TRIM29: variants seen among roughly 807,000 people sequenced by gnomAD.
The protein encoded by TRIM29 is tripartite motif-containing protein 29.
Under a neutral mutation model 57.3 loss-of-function variants are expected in TRIM29, and 52 were observed. The observed-to-expected ratio is 0.91, with a 90% CI of 0.73 to 1.14. The LOEUF is 1.14. Among genes scored for constraint, TRIM29 ranks in the 50% most tolerant of loss-of-function variants. The pLI is 0.00. For missense variants in TRIM29, 753 were observed against 774.6 expected, an observed-to-expected ratio of 0.97 and a Z score of 0.33; for synonymous variants, 319 against 316.9, an observed-to-expected ratio of 1.01 and a Z score of -0.07.
intron 1 of TRIM29, among the ~76,000 whole-genome samples, chr11:120,130,840 A>G (rs1300811727): frequency 6.6e-6 from 1 of 152,178 alleles, no homozygotes; most frequent in East Asian, 1.9e-4. Flanking sequence ...AGTGAGGAGC[A>G]CAGCAGATGT....
intron 1 of TRIM29, among the ~76,000 whole-genome samples, chr11:120,132,173 C>T (rs1206383355): frequency 6.6e-6 from 1 of 151,722 alleles, no homozygotes; most frequent in Non-Finnish European, 1.5e-5. Flanking sequence ...GCTCCCTTCA[C>T]CTTGCAGATG....
chr11:120,127,478 G>A lies in TRIM29; in HGVS notation c.992C>T (p.Ala331Val), dbSNP rs535733632. Residue 331 changes from alanine (A) to valine (V), a missense_variant, in exon 3 of 9, where the codon GCG becomes GTG. Physicochemically the swap from Ala to Val is moderately conservative, Grantham distance 64. Transcript: ENST00000341846. ...AGCATCCTGCTCCCGCTGCTCCAGC[G>A]CAGCCCTCACTTCCTCCTTTTGCTT... The part of the protein sequence containing the change: ...LEKQKEEVRA[A>V]LEQREQDAVD... The A allele has an allele frequency of 4.4e-5, 71 of 1,614,170 alleles. No individual in the cohort carries two copies. The South Asian group carries it at 4.7e-4, about 11-fold the overall frequency.
rs759880692 is a variant in TRIM29 at position 120,112,517 on chromosome 11, G to A, written c.1705-41C>T. On this transcript the variant is annotated intron_variant, in intron 8 of 8. Transcript: ENST00000341846. Reference sequence around the variant, plus strand: ...GAGTGGTCAGCGAGGCCAGACGACAGATGAGCCTGCTAGCTAGACCCACCC... The same window carrying A: ...GAGTGGTCAGCGAGGCCAGACGACAAATGAGCCTGCTAGCTAGACCCACCC... The A allele has an allele frequency of 3.7e-6, 6 of 1,609,898 alleles. No homozygotes were observed. In the South Asian group the frequency reaches 5.5e-5, roughly 15 times the overall value.
chr11:120,135,590 A>G (rs1027739539), intron 1 of TRIM29, among the ~76,000 whole-genome samples: 19 of 152,110 alleles, frequency 1.2e-4, no homozygotes, highest in Non-Finnish European at 2.4e-4. Flanking sequence ...GCCCCGTCCC[A>G]TCTATATCTC....
chr11:120,118,141 G>A (rs1019003978), intron 7 of TRIM29, 82 bp downstream of exon 7: 39 of 1,257,482 alleles, frequency 3.1e-5, no homozygotes, highest in Non-Finnish European at 4.1e-5. Flanking sequence ...GGAACTAGCA[G>A]CTCAGCGAAG....
At chr11:120,119,733 T>C (rs191149288) in intron 6 of TRIM29, among the ~76,000 whole-genome samples, 56 of 152,124 alleles carry the variant, frequency 3.7e-4, no homozygotes, top group African/African-American at 1.3e-3. Flanking sequence ...CCAGTCTCCA[T>C]GAGTCTTGCC....
At chr11:120,114,005 G>T (rs1863202791) in intron 8 of TRIM29, among the ~76,000 whole-genome samples, 1 of 152,088 alleles carries the variant, frequency 6.6e-6, no homozygotes, top group African/African-American at 2.4e-5. Context: ...TTATGGATGG[G>T]AAAACTGAGG....
At chr11:120,116,566 G>C (rs1304356214) in intron 7 of TRIM29, 1 of 153,534 alleles carries the variant, frequency 6.5e-6, no homozygotes, top group Non-Finnish European at 1.4e-5. Flanking sequence ...CAAGGAGGAG[G>C]GGGAGGAGAC....
Position 120,127,543 on chromosome 11 carries a change from G to T in TRIM29, c.927C>A (p.Ile309=). Residue 309 remains isoleucine (I), a synonymous_variant, in exon 3 of 9, where the codon ATC becomes ATA. Transcript: ENST00000341846. ...IKSFTTNEKA[I]LEQNFRDLVR... is the part of the protein sequence containing the mutation. Reference sequence around the variant, plus strand: ...CCAGGTCCCGGAAGTTCTGCTCCAGGATGGCCTTCTCATTGGTGGTGAAGC... The same window carrying T: ...CCAGGTCCCGGAAGTTCTGCTCCAGTATGGCCTTCTCATTGGTGGTGAAGC... The T allele has an allele frequency of 6.2e-7, 1 of 1,614,076 alleles. No homozygotes were observed. Among genetic ancestry groups the T allele is most frequent in the Non-Finnish European group, 8.5e-7 (1 of 1,179,964 alleles).
chr11:120,126,620 A>G (rs901292169), intron 3 of TRIM29, among the ~76,000 whole-genome samples: 2 of 152,074 alleles, frequency 1.3e-5, no homozygotes, highest in African/African-American at 4.8e-5. Flanking sequence ...TCCTCACCGA[A>G]GACTCTGTCC....
At chr11:120,119,756 T>C (rs1863387433) in intron 6 of TRIM29, among the ~76,000 whole-genome samples, 1 of 151,544 alleles carries the variant, frequency 6.6e-6, no homozygotes, top group South Asian at 2.1e-4. Flanking sequence ...CACTGAAGAG[T>C]CCTCCAGTGC....
At chr11:120,129,549 T>C (rs1453911646) in intron 1 of TRIM29, among the ~76,000 whole-genome samples, 1 of 152,106 alleles carries the variant, frequency 6.6e-6, no homozygotes. Flanking sequence ...ATAGTCAAGG[T>C]GAGGATGCCA....
At chr11:120,120,521 C>T in intron 6 of TRIM29, 52 bp downstream of exon 6, 1 of 1,547,754 alleles carries the variant, frequency 6.5e-7, no homozygotes, top group Non-Finnish European at 8.8e-7. Context: ...CCCCTCCTGC[C>T]TGCACAGCCC....
chr11:120,112,551 C>T, intron 8 of TRIM29, 75 bp from the exon 9 acceptor site: 1 of 1,537,136 alleles, frequency 6.5e-7, no homozygotes, highest in Non-Finnish European at 9.0e-7. Context: ...CCTACCCTAA[C>T]CTGCCTCAGG....
chr11:120,137,944 CCAGG>C lies in TRIM29; in HGVS notation c.84_87del (p.Ser28ArgfsTer32). 1 of 1,608,274 alleles carries C rather than the reference CCAGG, an allele frequency of 6.2e-7. No homozygotes were observed. The highest frequency in any genetic ancestry group is 2.2e-5 in the East Asian group (1 of 44,880). ...TTGCCGTCAGCCTTGGTGCCATTCT[CCAGG>C]CTGCCACTGGGGCCCGACGGGCTCC... On this transcript the variant is annotated frameshift_variant, in exon 1 of 9. Coordinates refer to ENST00000341846, the MANE Select transcript of TRIM29 (RefSeq NM_012101.4). LOFTEE classifies it high-confidence loss of function. The surrounding 1 kb of genome is among the most constrained non-coding windows in gnomAD (Gnocchi z 6.2).
At chr11:120,114,707 C>T (rs1284229959) in intron 8 of TRIM29, among the ~76,000 whole-genome samples, 1 of 152,172 alleles carries the variant, frequency 6.6e-6, no homozygotes, top group Non-Finnish European at 1.5e-5. Flanking sequence ...TCTCAGTCCC[C>T]ACATAATAAA....
At chr11:120,134,936 T>A (rs1359032449) in intron 1 of TRIM29, among the ~76,000 whole-genome samples, 2 of 152,172 alleles carry the variant, frequency 1.3e-5, no homozygotes, top group Non-Finnish European at 2.9e-5. Context: ...GACGTTAACT[T>A]CTAGCCGCTC....
At chr11:120,112,771 G>T (rs1326623435) in intron 8 of TRIM29, among the ~76,000 whole-genome samples, 1 of 152,126 alleles carries the variant, frequency 6.6e-6, no homozygotes, top group Non-Finnish European at 1.5e-5. Context: ...GCTCAAGGAG[G>T]TTCCTCCAGC....
At position 120,137,688 on chromosome 11, in the gene TRIM29, T is replaced by C. The variant is rs1322469488; in HGVS notation, c.344A>G (p.Lys115Arg). 3 of 1,613,478 alleles carry C rather than the reference T, an allele frequency of 1.9e-6. No homozygotes were observed. Among genetic ancestry groups the C allele is most frequent in the Admixed American group, 3.3e-5 (2 of 60,006 alleles). ...PYAGLQLGAA[K>R]KPPVTFAEKG... ...TTCGGCAAAGGTAACGGGTGGCTTC[T>C]TGGCAGCCCCCAGCTGGAGCCCTGC... is the stretch of plus-strand genomic sequence containing the variant. Residue 115 changes from lysine to arginine, a missense_variant, in exon 1 of 9, where the codon AAG becomes AGG. By Grantham distance (26) the Lys-to-Arg change is conservative. Transcript: ENST00000341846. The surrounding 1 kb of genome is among the most constrained non-coding windows in gnomAD (Gnocchi z 6.2).
Sources: allele counts gnomAD v4.1 joint callset (sites outside exome capture counted in the v4.1 genomes callset), GRCh38; gene constraint gnomAD v4.1.1; non-coding constraint Gnocchi (gnomAD v3.1); transcripts MANE v1.5; gene names NCBI Gene and HGNC (gene_info 2026-07-23, HGNC 2026-07-21).